AGAP1: variants seen among roughly 807,000 people sequenced by gnomAD.
AGAP1 encodes ArfGAP with GTPase domain, ankyrin repeat and PH domain 1, also known as arf-GAP with GTPase, ANK repeat and PH domain-containing protein 1.
In AGAP1, 29 loss-of-function variants were observed where a neutral mutation model predicts 105.3. The observed-to-expected ratio is 0.28, with a 90% CI of 0.21 to 0.38. AGAP1 has a LOEUF of 0.38. Among genes scored for constraint, AGAP1 ranks in the 10% least tolerant of loss-of-function variants. AGAP1 has a pLI of 1.00. For missense variants in AGAP1, 998 were observed against 1,165.1 expected (o/e 0.86, Z 2.09); for synonymous variants, 509 against 485.9 (o/e 1.05, Z -0.63).
At chr2:235,798,870 C>CAAAAAA (rs1041317180) in intron 7 of AGAP1, among the ~76,000 whole-genome samples, 2 of 49,000 alleles carry the variant, frequency 4.1e-5, no homozygotes, top group Non-Finnish European at 9.5e-5. Context: ...GACCCTGTCT[C>CAAAAAA]AAAAAAAAAA....
At chr2:235,674,980 TTTATTTTA>T (rs998475839) in intron 1 of AGAP1, among the ~76,000 whole-genome samples, 61 of 151,798 alleles carry the variant, frequency 4.0e-4, no homozygotes, top group African/African-American at 8.2e-4. Context: ...CTGTGGTTTT[TTTATTTTA>T]TTATTTTATT....
intron 1 of AGAP1, among the ~76,000 whole-genome samples, chr2:235,628,234 A>C (rs1157405812): frequency 3.9e-5 from 6 of 152,196 alleles, no homozygotes. Flanking sequence ...TGCTGCCTAC[A>C]GTCCTTTCAG....
intron 1 of AGAP1, among the ~76,000 whole-genome samples, chr2:235,500,366 G>C (rs1158512373): frequency 6.6e-6 from 1 of 152,132 alleles, no homozygotes; most frequent in East Asian, 1.9e-4. Context: ...CGAGTTTCTA[G>C]TTCTGTGGGT....
At chr2:235,603,306 C>T (rs1175214756) in intron 1 of AGAP1, among the ~76,000 whole-genome samples, 1 of 152,162 alleles carries the variant, frequency 6.6e-6, no homozygotes, top group Non-Finnish European at 1.5e-5. Flanking sequence ...AACTGTGAGT[C>T]CATTAAACCT....
intron 9 of AGAP1, among the ~76,000 whole-genome samples, chr2:235,819,895 TC>T (rs1245821848): frequency 1.5e-4 from 20 of 132,064 alleles, no homozygotes; most frequent in African/African-American, 4.6e-4. Flanking sequence ...TTTTTTTTCT[TC>T]TTTCTTTCTT....
In AGAP1 at chr2:236,036,765, T is replaced by G. The variant is rs1559213584; in HGVS notation, c.1800+50T>G. On this transcript the variant is annotated intron_variant, in intron 14 of 17. Coordinates refer to ENST00000304032, the MANE Select transcript of AGAP1 (RefSeq NM_001037131.3). The surrounding 1 kb of genome is among the most constrained non-coding windows in gnomAD (Gnocchi z 5.7). ...CAAGGCTGGGGCTGCTCAGGGGGAGTGCGGGCCCCAAGTAATGCCCCAGGG... is the reference window on the plus strand; with the variant it reads ...CAAGGCTGGGGCTGCTCAGGGGGAGGGCGGGCCCCAAGTAATGCCCCAGGG... 2 of 1,605,882 alleles carry G rather than the reference T, an allele frequency of 1.2e-6. No homozygotes were observed. Among genetic ancestry groups the G allele is most frequent in the East Asian group, 2.2e-5 (1 of 44,810 alleles).
Position 235,750,212 on chromosome 2 carries a change from A to G in AGAP1, c.539-142A>G. On this transcript the variant is annotated intron_variant, in intron 5 of 17. Coordinates refer to ENST00000304032, the MANE Select transcript of AGAP1 (RefSeq NM_001037131.3). This position sits in a 1 kb window ranked among gnomAD's most constrained non-coding sequence, Gnocchi z 5.3. ...GTTTGAGTCTCTTAGTTGGGAGGCA[A>G]ACGATGCTCTACAATTCCAGATTCA... 8 of 1,243,248 alleles carry G rather than the reference A, an allele frequency of 6.4e-6. No individual in the cohort carries two copies. Among genetic ancestry groups the G allele is most frequent in the Non-Finnish European group, 9.0e-6 (8 of 885,772 alleles). 77.0% of individuals were successfully genotyped at this position (1,243,248 alleles called of 1,614,324 possible).
At chr2:235,497,561 C>A (rs934599921) in intron 1 of AGAP1, among the ~76,000 whole-genome samples, 7 of 152,204 alleles carry the variant, frequency 4.6e-5, no homozygotes, top group African/African-American at 1.7e-4. Flanking sequence ...GAATTGGGGT[C>A]TGACTTCCCA....
At chr2:235,999,666 A>G (rs1278401486) in intron 13 of AGAP1, among the ~76,000 whole-genome samples, 5 of 147,122 alleles carry the variant, frequency 3.4e-5, no homozygotes, top group South Asian at 2.2e-4. Context: ...GGTGGTGGTG[A>G]TGATGGTGGT....
intron 13 of AGAP1, among the ~76,000 whole-genome samples, chr2:235,999,662 G>A (rs2056019500): frequency 6.6e-6 from 1 of 151,946 alleles, no homozygotes; most frequent in Non-Finnish European, 1.5e-5. Context: ...AGGTGGTGGT[G>A]GTGATGATGG....
chr2:236,017,700 C>G (rs2056753201), intron 13 of AGAP1, among the ~76,000 whole-genome samples: 1 of 152,220 alleles, frequency 6.6e-6, no homozygotes. Flanking sequence ...TTAGGAGAGA[C>G]AGACAGAGCC....
rs977174002 is a variant in AGAP1, at chr2:235,553,166, A to G, written c.163+58317A>G. Among the ~76,000 whole-genome samples, 4 of 152,190 alleles carry G rather than the reference A, an allele frequency of 2.6e-5. No homozygotes were observed. Among genetic ancestry groups the G allele is most frequent in the African/African-American group, 9.7e-5 (4 of 41,448 alleles). On this transcript the variant is annotated intron_variant, in intron 1 of 17. Transcript: ENST00000304032. This position sits in a 1 kb window ranked among gnomAD's most constrained non-coding sequence, Gnocchi z 4.5. ...AGGGTTGGTGGGAGAAACAGCAGGT[A>G]TATTTGAAAACCAAGAAGATGGTGA...
rs1262609843 is a variant in AGAP1, at chr2:235,736,464, G to A, written c.311-4499G>A. On this transcript the variant is annotated intron_variant, in intron 3 of 17. Transcript: ENST00000304032. This position sits in a 1 kb window ranked among gnomAD's most constrained non-coding sequence, Gnocchi z 5.5. Reference sequence around the variant, plus strand: ...TGGGCCAAGCTGTGCACCAGGTGCTGGGAGGATACCGGTGGGCGAACCAGA... The same window carrying A: ...TGGGCCAAGCTGTGCACCAGGTGCTAGGAGGATACCGGTGGGCGAACCAGA... Among the ~76,000 whole-genome samples, 1 of 152,182 alleles carries A rather than the reference G, an allele frequency of 6.6e-6. No individual in the cohort carries two copies. Among genetic ancestry groups the A allele is most frequent in the Non-Finnish European group, 1.5e-5 (1 of 68,032 alleles).
At chr2:235,782,294 C>G (rs1272943787) in intron 6 of AGAP1, among the ~76,000 whole-genome samples, 1 of 151,546 alleles carries the variant, frequency 6.6e-6, no homozygotes, top group Non-Finnish European at 1.5e-5. Context: ...AAAGAGAAAT[C>G]TGTTTTGAAA....
rs1199199989 is a variant in AGAP1, at chr2:235,845,212, C to A, written c.1050+37881C>A. On this transcript the variant is annotated intron_variant, in intron 9 of 17. Transcript: ENST00000304032. The surrounding 1 kb of genome is among the most constrained non-coding windows in gnomAD (Gnocchi z 4.8). ...ATCTGGGAGCAGCAGCCCAGCCATCCCAGGATCTCACAAAGGCCCAGCAGC... is the reference window on the plus strand; with the variant it reads ...ATCTGGGAGCAGCAGCCCAGCCATCACAGGATCTCACAAAGGCCCAGCAGC... Among the ~76,000 whole-genome samples the A allele has an allele frequency of 6.6e-6, 1 of 152,142 alleles. No homozygotes were observed. Among genetic ancestry groups the A allele is most frequent in the African/African-American group, 2.4e-5 (1 of 41,414 alleles).
chr2:235,664,447 A>T lies in AGAP1; in HGVS notation c.164-44732A>T, dbSNP rs1559323963. On this transcript the variant is annotated intron_variant, in intron 1 of 17. Coordinates refer to ENST00000304032, the MANE Select transcript of AGAP1 (RefSeq NM_001037131.3). This position sits in a 1 kb window ranked among gnomAD's most constrained non-coding sequence, Gnocchi z 5.7. The stretch of plus-strand genomic sequence containing the variant: ...TGGCCAGGCTGGTCTCAAACTCCTG[A>T]TCTCAGGTGATCCACCTGCCTTGGC... 6.6e-6 allele frequency among the ~76,000 whole-genome samples: 1 copy of T among 152,126 alleles called. No individual in the cohort carries two copies. Among genetic ancestry groups the T allele is most frequent in the East Asian group, 1.9e-4 (1 of 5,172 alleles).
chr2:236,064,369 T>C (rs918821650), intron 16 of AGAP1, among the ~76,000 whole-genome samples: 2 of 152,064 alleles, frequency 1.3e-5, no homozygotes, highest in African/African-American at 4.8e-5. Context: ...GGTGGGTGGA[T>C]CACTTGAGGT....
At chr2:235,677,048 C>T (rs190649390) in intron 1 of AGAP1, among the ~76,000 whole-genome samples, 1 of 152,246 alleles carries the variant, frequency 6.6e-6, no homozygotes, top group African/African-American at 2.4e-5. Flanking sequence ...GTTGATTGTT[C>T]CTTGTTGGTG....
rs923760440 is a variant in AGAP1 at position 235,959,692 on chromosome 2, C to T, written c.1484-8770C>T. Reference sequence around the variant, plus strand: ...TCACCCCGCCATCACCTTCTCAGCACCATGATGGCCACTCCCTCGTGTAGC... The same window carrying T: ...TCACCCCGCCATCACCTTCTCAGCATCATGATGGCCACTCCCTCGTGTAGC... On this transcript the variant is annotated intron_variant, in intron 12 of 17. Transcript: ENST00000304032. The surrounding 1 kb of genome is among the most constrained non-coding windows in gnomAD (Gnocchi z 7.3). Among the ~76,000 whole-genome samples the T allele has an allele frequency of 2.0e-5, 3 of 152,164 alleles. No individual in the cohort carries two copies. Among genetic ancestry groups the T allele is most frequent in the East Asian group, 1.9e-4 (1 of 5,174 alleles).
Sources: allele counts gnomAD v4.1 joint callset (sites outside exome capture counted in the v4.1 genomes callset), GRCh38; gene constraint gnomAD v4.1.1; non-coding constraint Gnocchi (gnomAD v3.1); transcripts MANE v1.5; gene names NCBI Gene and HGNC (gene_info 2026-07-23, HGNC 2026-07-21).